The following LINGO3 variants were observed in gnomAD, a reference collection of about 807,000 sequenced individuals.
The protein encoded by LINGO3 is leucine-rich repeat and immunoglobulin-like domain-containing nogo receptor-interacting protein 3.
For missense variants in LINGO3, 750 were observed against 867.7 expected, an observed-to-expected ratio of 0.86 and a Z score of 1.70; for synonymous variants, 427 against 444.2, an observed-to-expected ratio of 0.96 and a Z score of 0.49.
At chr19:2,304,151 G>GCATT in the LINGO3 span, among the ~76,000 whole-genome samples, 3 of 152,202 alleles carry the variant, frequency 2.0e-5, no homozygotes, top group Non-Finnish European at 2.9e-5. Context: ...CATTCAACAA[G>GCATT]CATTCATTCA....
chr19:2,299,355 C>T, the LINGO3 span, among the ~76,000 whole-genome samples: 31 of 152,186 alleles, frequency 2.0e-4, no homozygotes, highest in Admixed American at 2.0e-4. Flanking sequence ...TCTGTGTACA[C>T]GGCCTGCATC....
At chr19:2,305,199 G>T in the LINGO3 span, among the ~76,000 whole-genome samples, 1 of 152,140 alleles carries the variant, frequency 6.6e-6, no homozygotes, top group Non-Finnish European at 1.5e-5. Context: ...GGGCGTGGAA[G>T]GCAGGGGACA....
the LINGO3 span, among the ~76,000 whole-genome samples, chr19:2,302,973 C>T: frequency 6.6e-6 from 1 of 152,258 alleles, no homozygotes; most frequent in Non-Finnish European, 1.5e-5. Context: ...CACGCAGACG[C>T]CCGCAGCACC....
the LINGO3 span, among the ~76,000 whole-genome samples, chr19:2,303,034 G>A: frequency 2.0e-5 from 3 of 152,326 alleles, no homozygotes; most frequent in Admixed American, 2.0e-4. Context: ...TCCATTCAAC[G>A]CCTTCTAGCA....
the LINGO3 span, among the ~76,000 whole-genome samples, chr19:2,297,108 G>T: frequency 6.6e-6 from 1 of 151,348 alleles, no homozygotes; most frequent in Non-Finnish European, 1.5e-5. Flanking sequence ...AAATAAAAAA[G>T]AAGAAGAATA....
At chr19:2,301,956 G>A in the LINGO3 span, among the ~76,000 whole-genome samples, 1 of 140,734 alleles carries the variant, frequency 7.1e-6, no homozygotes, top group African/African-American at 2.6e-5. Context: ...AAGAGGAAAA[G>A]AAAAGAAAAT....
chr19:2,305,857 C>T, the LINGO3 span, among the ~76,000 whole-genome samples: 7 of 152,312 alleles, frequency 4.6e-5, no homozygotes, highest in East Asian at 1.9e-4. Context: ...ACGTGGCCCT[C>T]CAAGGTCTGC....
downstream of LINGO3, among the ~76,000 whole-genome samples, chr19:2,287,354 G>A (rs1410466523): frequency 6.6e-6 from 1 of 152,036 alleles, no homozygotes; most frequent in African/African-American, 2.4e-5. This position sits in a 1 kb window ranked among gnomAD's most constrained non-coding sequence, Gnocchi z 4.5. Context: ...TCTTTGATAG[G>A]CTAAAGGCAC....
the LINGO3 span, among the ~76,000 whole-genome samples, chr19:2,305,600 G>A: frequency 9.2e-5 from 14 of 152,106 alleles, no homozygotes; most frequent in East Asian, 3.9e-4. Context: ...TCCAGTCCCC[G>A]CCCAGGGCAA....
upstream of LINGO3, among the ~76,000 whole-genome samples, chr19:2,292,675 A>G (rs2025537526): frequency 6.6e-6 from 1 of 151,716 alleles, no homozygotes; most frequent in Non-Finnish European, 1.5e-5. Context: ...TTTTTAGTAG[A>G]GACGGGGTTT....
upstream of LINGO3, among the ~76,000 whole-genome samples, chr19:2,292,399 CAAAAAAA>C (rs1156254881): frequency 7.0e-5 from 3 of 42,592 alleles, no homozygotes; most frequent in Non-Finnish European, 9.2e-5. Flanking sequence ...AACCCTGTCT[CAAAAAAA>C]AAAAAAAAAA....
chr19:2,295,835 T>G (rs1472034557), upstream of LINGO3, among the ~76,000 whole-genome samples: 1 of 152,168 alleles, frequency 6.6e-6, no homozygotes, highest in African/African-American at 2.4e-5. Context: ...GGCATTCACA[T>G]GCCACGTGGA....
upstream of LINGO3, among the ~76,000 whole-genome samples, chr19:2,293,888 A>G (rs2025550008): frequency 6.6e-6 from 1 of 151,918 alleles, no homozygotes; most frequent in Non-Finnish European, 1.5e-5. Flanking sequence ...CCCCGTCTCA[A>G]CTAAAAATAC....
downstream of LINGO3, among the ~76,000 whole-genome samples, chr19:2,289,369 G>A (rs545546922): frequency 3.9e-4 from 60 of 152,104 alleles, no homozygotes; most frequent in East Asian, 0.011. Context: ...TGCCCCCTGC[G>A]GTCAGCTCTG....
chr19:2,293,050 T>C (rs2025541279), upstream of LINGO3, among the ~76,000 whole-genome samples: 1 of 143,908 alleles, frequency 6.9e-6, no homozygotes, highest in Admixed American at 7.1e-5. Flanking sequence ...AAGGCCACAC[T>C]GTATGACCCC....
the LINGO3 span, among the ~76,000 whole-genome samples, chr19:2,305,344 C>T: frequency 6.6e-6 from 1 of 151,994 alleles, no homozygotes; most frequent in African/African-American, 2.4e-5. Flanking sequence ...CCCCAGCTGT[C>T]CTTAGATATG....
downstream of LINGO3, among the ~76,000 whole-genome samples, chr19:2,288,746 A>G (rs1462029402): frequency 6.6e-6 from 1 of 152,102 alleles, no homozygotes; most frequent in Non-Finnish European, 1.5e-5. The surrounding 1 kb of genome is among the most constrained non-coding windows in gnomAD (Gnocchi z 6.5). Flanking sequence ...GCAAGACCTG[A>G]GCCCAGGCCC....
At chr19:2,301,443 C>A in the LINGO3 span, among the ~76,000 whole-genome samples, 45 of 152,180 alleles carry the variant, frequency 3.0e-4, no homozygotes, top group African/African-American at 1.1e-3. Context: ...CTGGACACGG[C>A]CCAGAGTCCC....
chr19:2,292,632 G>C (rs1236765242), upstream of LINGO3, among the ~76,000 whole-genome samples: 1 of 151,646 alleles, frequency 6.6e-6, no homozygotes, highest in Non-Finnish European at 1.5e-5. Flanking sequence ...TGGGATTACA[G>C]GTGCCCGCCA....
Sources: allele counts gnomAD v4.1 joint callset (sites outside exome capture counted in the v4.1 genomes callset), GRCh38; gene constraint gnomAD v4.1.1; non-coding constraint Gnocchi (gnomAD v3.1); transcripts MANE v1.5; gene names NCBI Gene and HGNC (gene_info 2026-07-23, HGNC 2026-07-21).